MYLK2: variants seen among roughly 807,000 people sequenced by gnomAD.
The protein encoded by MYLK2 is myosin light chain kinase 2.
In MYLK2, 27 loss-of-function variants were observed where a neutral mutation model predicts 58.2. The ratio of observed to expected loss-of-function variants is 0.46; its 90% CI spans 0.34 to 0.64. MYLK2 has a LOEUF of 0.64. Among genes scored for constraint, MYLK2 ranks in the 30% least tolerant of loss-of-function variants. MYLK2 has a pLI of 0.01. For missense variants in MYLK2, 676 were observed against 764.3 expected, an observed-to-expected ratio of 0.88 and a Z score of 1.36; for synonymous variants, 310 against 296.7, an observed-to-expected ratio of 1.04 and a Z score of -0.46.
intron 6 of MYLK2, among the ~76,000 whole-genome samples, chr20:31,825,552 G>T (rs1056319639): frequency 6.6e-6 from 1 of 152,206 alleles, no homozygotes; most frequent in African/African-American, 2.4e-5. Flanking sequence ...GAGAAGAAAA[G>T]AAGGCCTGGC....
intron 2 of MYLK2, 68 bp from the exon 3 acceptor site, chr20:31,820,058 C>T (rs2062243527): frequency 1.9e-6 from 3 of 1,594,666 alleles, no homozygotes; most frequent in East Asian, 4.5e-5. Context: ...GAGCTGGTCT[C>T]TGCCCAGCCT....
At chr20:31,833,188 G>C (rs1252562684) in intron 12 of MYLK2, among the ~76,000 whole-genome samples, 1 of 152,210 alleles carries the variant, frequency 6.6e-6, no homozygotes, top group Non-Finnish European at 1.5e-5. Context: ...TAAATAGGGG[G>C]GGTCAGGAAG....
intron 8 of MYLK2, chr20:31,828,620 C>T (rs1030972778): frequency 1.3e-5 from 13 of 985,206 alleles, no homozygotes; most frequent in Non-Finnish European, 1.4e-5. Context: ...AGAAAATACA[C>T]GAGAGTAATG....
At chr20:31,830,211 A>G (rs1379325896) in intron 8 of MYLK2, among the ~76,000 whole-genome samples, 3 of 152,220 alleles carry the variant, frequency 2.0e-5, no homozygotes, top group Non-Finnish European at 4.4e-5. Context: ...TCATCTCAAG[A>G]TAACAGTGTG....
At position 31,833,811 on chromosome 20, in the gene MYLK2, C is replaced by G; in HGVS notation, c.*14C>G. On this transcript the variant is annotated 3_prime_UTR_variant, in exon 13 of 13. Transcript: ENST00000375985. ...CTGGGGGTCTGAGCCCTGGGCGCAGCTGAAGCCTGGACGCAGCCACACAGT... is the reference window on the plus strand; with the variant it reads ...CTGGGGGTCTGAGCCCTGGGCGCAGGTGAAGCCTGGACGCAGCCACACAGT... 6.2e-7 allele frequency: 1 copy of G among 1,610,190 alleles called. No individual in the cohort carries two copies. Among genetic ancestry groups the G allele is most frequent in the Non-Finnish European group, 8.5e-7 (1 of 1,178,948 alleles).
intron 3 of MYLK2, 69 bp from the exon 4 acceptor site, chr20:31,821,370 C>T: frequency 6.3e-7 from 1 of 1,592,676 alleles, no homozygotes; most frequent in Non-Finnish European, 8.6e-7. Context: ...CTGCAGATTG[C>T]ATTGAGACTT....
chr20:31,824,048 G>A (rs1600409282), intron 5 of MYLK2: 2 of 985,416 alleles, frequency 2.0e-6, no homozygotes, highest in Non-Finnish European at 2.4e-6. Flanking sequence ...TGGTCTGTGT[G>A]GTTCAAAGAA....
rs111623538 is a variant in MYLK2, at chr20:31,825,562, C to T, written c.973-1043C>T. Reference sequence around the variant, plus strand: ...GAAAAGAGAAGAAAAGAAGGCCTGGCATCAGGTACTGAGAAGTGCTAGGAG... The same window carrying T: ...GAAAAGAGAAGAAAAGAAGGCCTGGTATCAGGTACTGAGAAGTGCTAGGAG... On this transcript the variant is annotated intron_variant, in intron 6 of 12. Transcript: ENST00000375985. Among the ~76,000 whole-genome samples the T allele has an allele frequency of 1.7e-3, 254 of 152,196 alleles. 3 individuals are homozygous for T. The highest frequency in any genetic ancestry group is 5.9e-3 in the African/African-American group (247 of 41,514).
intron 12 of MYLK2, among the ~76,000 whole-genome samples, chr20:31,833,088 G>A (rs561777992): frequency 4.6e-5 from 7 of 151,956 alleles, no homozygotes; most frequent in South Asian, 4.2e-4. Context: ...ATGAGGTCTC[G>A]CCATGTTGCT....
chr20:31,823,358 G>A (rs1454266906), intron 4 of MYLK2, 119 bp from the exon 5 acceptor site: 4 of 852,814 alleles, frequency 4.7e-6, no homozygotes, highest in Non-Finnish European at 7.6e-6. Context: ...TGTCCCCCAG[G>A]TATCACTTGG....
chr20:31,826,575 GCTGGTACCCTTGACTTCC>G lies in MYLK2; in HGVS notation c.973-24_973-7del. ...GGGTGGCAGGGAGTGATGGTGCCCA[GCTGGTACCCTTGACTTCC>G]CTGGTCCCCAGGAAATGGTGTTGCT... On this transcript the variant is annotated splice_polypyrimidine_tract_variant and intron_variant, in intron 6 of 12. Transcript: ENST00000375985. 6.2e-7 allele frequency: 1 copy of G among 1,613,792 alleles called. No individual in the cohort carries two copies. Among genetic ancestry groups the G allele is most frequent in the South Asian group, 1.1e-5 (1 of 91,024 alleles).
rs2062241495 is a variant in MYLK2, at chr20:31,819,643, G to A, written c.52+11G>A. The stretch of plus-strand genomic sequence containing the variant: ...AGAACCCATCAACAGGTGCCAAGCT[G>A]GGGCAGGAGATGGAGGGAGGAGCTT... On this transcript the variant is annotated intron_variant, in intron 2 of 12. Coordinates refer to ENST00000375985, the MANE Select transcript of MYLK2 (RefSeq NM_033118.4). 1.9e-6 allele frequency: 3 copies of A among 1,551,408 alleles called. No individual in the cohort carries two copies. The highest frequency in any genetic ancestry group is 1.7e-6 in the Non-Finnish European group (2 of 1,147,002).
chr20:31,822,511 C>T (rs976768308), intron 4 of MYLK2, among the ~76,000 whole-genome samples: 1 of 152,044 alleles, frequency 6.6e-6, no homozygotes, highest in African/African-American at 2.4e-5. Flanking sequence ...ACAAGCAGCC[C>T]GTGGCTTGTT....
chr20:31,819,568 G>A lies in MYLK2; in HGVS notation c.-13G>A, dbSNP rs397517470. On this transcript the variant is annotated 5_prime_UTR_variant, in exon 2 of 13. Transcript: ENST00000375985. The stretch of plus-strand genomic sequence containing the variant: ...TTGAGTTAGACAAGCAGCAGCACAC[G>A]CCTCCCTACCTCATGGCGACAGAAA... 2.5e-5 allele frequency: 39 copies of A among 1,551,378 alleles called. No individual in the cohort carries two copies. Among genetic ancestry groups the A allele is most frequent in the South Asian group, 1.5e-4 (13 of 84,054 alleles).
In MYLK2 at chr20:31,832,097, G is replaced by T. The variant is rs1405172030; in HGVS notation, c.1671G>T (p.Gln557His). 1.9e-6 allele frequency: 3 copies of T among 1,588,010 alleles called. No individual in the cohort carries two copies. The African/African-American group carries it at 4.0e-5, about 21-fold the overall frequency. The part of the protein sequence containing the change: ...AKRCNRRLKS[Q>H]ILLKKYLMKR... ...GCTGTAACCGACGCCTTAAGTCCCA[G>T]ATCTTGCTTAAGAAATACCTCATGA... Residue 557 changes from glutamine to histidine, a missense_variant, in exon 12 of 13, where the codon CAG (glutamine) becomes CAT (histidine). Gln to His is a conservative substitution (Grantham distance 24). Transcript: ENST00000375985.
intron 12 of MYLK2, 48 bp from the exon 13 acceptor site, chr20:31,833,669 C>T (rs747528076): frequency 1.3e-6 from 2 of 1,523,380 alleles, no homozygotes; most frequent in South Asian, 1.1e-5. Context: ...CCTGCAGCTG[C>T]CCCCCTGCCC....
At chr20:31,819,776 T>G in intron 2 of MYLK2, 144 bp downstream of exon 2, 5 of 1,078,550 alleles carry the variant, frequency 4.6e-6, no homozygotes, top group Non-Finnish European at 6.8e-6. Context: ...GAGGAATCTC[T>G]GGCTAGGGTT....
At chr20:31,833,543 A>AG (rs939682208) in intron 12 of MYLK2, among the ~76,000 whole-genome samples, 174 bp from the exon 13 acceptor site, 1 of 152,122 alleles carries the variant, frequency 6.6e-6, no homozygotes, top group Non-Finnish European at 1.5e-5. Context: ...CCGTTGAGTG[A>AG]GGGGACTCCT....
intron 8 of MYLK2, among the ~76,000 whole-genome samples, chr20:31,830,076 G>A (rs1002510969): frequency 2.0e-5 from 3 of 152,222 alleles, no homozygotes; most frequent in Non-Finnish European, 1.5e-5. Context: ...TCAGTCATGC[G>A]TTCATTTCCT....
Sources: gnomAD v4.1 joint callset for allele counts (sites outside exome capture counted in the v4.1 genomes callset) on GRCh38, gnomAD v4.1.1 for gene constraint, MANE v1.5 for transcripts, NCBI Gene and HGNC (gene_info 2026-07-23, HGNC 2026-07-21) for gene names.